The following PTH1R variants were observed in gnomAD, a reference collection of about 807,000 sequenced individuals.
PTH1R encodes the protein parathyroid hormone 1 receptor.
A neutral mutation model predicts 70.7 loss-of-function variants in PTH1R; 32 were observed. The observed-to-expected ratio is 0.45, with a 90% confidence interval of 0.34 to 0.61. The LOEUF is 0.61. PTH1R is among the 20% of genes least tolerant of loss of function. PTH1R has a pLI of 0.01. For missense variants in PTH1R, 626 were observed against 792.5 expected, an observed-to-expected ratio of 0.79 and a Z score of 2.52; for synonymous variants, 329 against 324.8, an observed-to-expected ratio of 1.01 and a Z score of -0.14.
rs747701028 is a variant in PTH1R at position 46,899,408 on chromosome 3, T to A, written c.940T>A (p.Phe314Ile). The change falls in exon 10 of 16, where the codon TTC becomes ATC. Residue 314 changes from phenylalanine (F) to isoleucine (I), a missense_variant. By Grantham distance (21) the Phe-to-Ile change is conservative. Around this residue, in one of 3 missense-constraint regions of PTH1R, gnomAD observed 495 missense variants for 638.7 expected, o/e 0.77. Coordinates refer to ENST00000449590, the MANE Select transcript of PTH1R (RefSeq NM_000316.3). ...LYLHSLIFMA[F>I]FSEKKYLWGF... ...CCTGCACAGCCTCATCTTCATGGCC[T>A]TCTTCTCAGAGAAGAAGTACCTGTG... 6.2e-7 allele frequency: 1 copy of A among 1,613,780 alleles called. No individual in the cohort carries two copies. Among genetic ancestry groups the A allele is most frequent in the South Asian group, 1.1e-5 (1 of 91,050 alleles).
At chr3:46,898,886 G>C (rs1239689376) in intron 9 of PTH1R, 29 bp downstream of exon 9, 35 of 1,467,960 alleles carry the variant, frequency 2.4e-5, no homozygotes, top group Non-Finnish European at 2.9e-5. Flanking sequence ...GCCCGCTCCC[G>C]GTGCCGCCAC....
intron 7 of PTH1R, 29 bp downstream of exon 7, chr3:46,898,221 C>A: frequency 1.2e-6 from 2 of 1,609,750 alleles, no homozygotes; most frequent in Non-Finnish European, 1.7e-6. Flanking sequence ...CCCAACCTGA[C>A]CAGGATAAAT....
intron 10 of PTH1R, 49 bp from the exon 11 acceptor site, chr3:46,900,976 T>C (rs745707855): frequency 1.9e-6 from 3 of 1,550,396 alleles, no homozygotes; most frequent in South Asian, 2.4e-5. Flanking sequence ...GGAATGACCT[T>C]GTGGACAGCA....
rs1246233314 is a variant in PTH1R, at chr3:46,883,494, A to G, written c.-48-18A>G. The G allele has an allele frequency of 2.2e-6, 3 of 1,377,846 alleles. No individual in the cohort carries two copies. Among genetic ancestry groups the G allele is most frequent in the African/African-American group, 1.5e-5 (1 of 65,880 alleles). 85.4% of individuals were successfully genotyped at this position (1,377,846 alleles called of 1,614,324 possible). A position where few individuals can be genotyped will look rare whatever the true frequency, so the allele number is the denominator to read the frequency against. ...GGCGGCCAGCCTGACGCAGCTCTGC[A>G]CCCCCTACCACCACCAGGGCCGGCG... is the stretch of plus-strand genomic sequence containing the variant. On this transcript the variant is annotated intron_variant, in intron 2 of 15. Transcript: ENST00000449590. The surrounding 1 kb of genome is among the most constrained non-coding windows in gnomAD (Gnocchi z 6.4).
In PTH1R at chr3:46,894,538, C is replaced by T. The variant is rs149992942; in HGVS notation, c.178+529C>T. Reference sequence around the variant, plus strand: ...CGAGATCTGGGGGGTCAGATGGGCCCCCTCATTCTGGGTCCTGAACCCAGC... The same window carrying T: ...CGAGATCTGGGGGGTCAGATGGGCCTCCTCATTCTGGGTCCTGAACCCAGC... On this transcript the variant is annotated intron_variant, in intron 4 of 15. Coordinates refer to ENST00000449590, the MANE Select transcript of PTH1R (RefSeq NM_000316.3). 4.4e-4 allele frequency among the ~76,000 whole-genome samples: 67 copies of T among 152,218 alleles called. No individual in the cohort carries two copies. In the East Asian group the frequency reaches 0.012, roughly 26 times the overall value.
In PTH1R at chr3:46,877,850, G is replaced by A. The variant is rs1327920422; in HGVS notation, c.-106+7G>A. The A allele has an allele frequency of 6.6e-6, 1 of 152,300 alleles. No homozygotes were observed. Among genetic ancestry groups the A allele is most frequent in the Non-Finnish European group, 1.5e-5 (1 of 68,074 alleles). 9.4% of individuals were successfully genotyped at this position (152,300 alleles called of 1,614,324 possible). A position where few individuals can be genotyped will look rare whatever the true frequency, so the allele number is the denominator to read the frequency against. ...GAAGGCCCATGGGCTGCAGGTGAGT[G>A]GGGGCCAGGGGAGCCTAGGGGCCTG... On this transcript the variant is annotated splice_region_variant and intron_variant, in intron 1 of 15. Transcript: ENST00000449590.
At chr3:46,894,057 G>A (rs1559532741) in intron 4 of PTH1R, 48 bp downstream of exon 4, 1 of 1,586,090 alleles carries the variant, frequency 6.3e-7, no homozygotes, top group East Asian at 2.2e-5. Flanking sequence ...GGTGAGGGAG[G>A]GGCCAGTCAA....
intron 4 of PTH1R, 150 bp downstream of exon 4, chr3:46,894,159 G>C: frequency 1.3e-6 from 1 of 748,200 alleles, no homozygotes. Flanking sequence ...ACCAAAGTGG[G>C]GTGCGTGGTG....
In PTH1R at chr3:46,903,771, A is replaced by AAT; in HGVS notation, c.*116_*117insTA. On this transcript the variant is annotated 3_prime_UTR_variant, in exon 16 of 16. Coordinates refer to ENST00000449590, the MANE Select transcript of PTH1R (RefSeq NM_000316.3). The surrounding 1 kb of genome is among the most constrained non-coding windows in gnomAD (Gnocchi z 4.4). ...GGCCAAGAGGAAAAACAGGGAAAAA[A>AAT]AGAAAAAAAAAAGAAAAAGGAAAAG... 1 of 1,511,034 alleles carries AAT rather than the reference A, an allele frequency of 6.6e-7. No individual in the cohort carries two copies. The highest frequency in any genetic ancestry group is 1.2e-5 in the South Asian group (1 of 82,392). The allele number at this position is 1,511,034 out of a possible 1,614,324, so 93.6% of individuals were successfully genotyped here. A position where few individuals can be genotyped will look rare whatever the true frequency, so the allele number is the denominator to read the frequency against.
Position 46,901,690 on chromosome 3 carries a change from C to A in PTH1R, c.1117-76C>A. ...CAGAGATGCAGTGACAGAGCAGAGCCTATGGCCGTGGCTGCCAGGCCTTGC... is the reference window on the plus strand; with the variant it reads ...CAGAGATGCAGTGACAGAGCAGAGCATATGGCCGTGGCTGCCAGGCCTTGC... On this transcript the variant is annotated intron_variant, in intron 12 of 15. Transcript: ENST00000449590. The surrounding 1 kb of genome is among the most constrained non-coding windows in gnomAD (Gnocchi z 7.3). 1 of 1,491,046 alleles carries A rather than the reference C, an allele frequency of 6.7e-7. No individual in the cohort carries two copies. Among genetic ancestry groups the A allele is most frequent in the South Asian group, 1.1e-5 (1 of 88,366 alleles). The allele number at this position is 1,491,046 out of a possible 1,614,324, so 92.4% of individuals were successfully genotyped here.
chr3:46,892,622 A>C lies in PTH1R; in HGVS notation c.76-1285A>C. 1 of 479,014 alleles carries C rather than the reference A, an allele frequency of 2.1e-6. No individual in the cohort carries two copies. Among genetic ancestry groups the C allele is most frequent in the Non-Finnish European group, 2.7e-6 (1 of 365,268 alleles). 29.7% of individuals were successfully genotyped at this position (479,014 alleles called of 1,614,324 possible). On this transcript the variant is annotated intron_variant, in intron 3 of 15. Coordinates refer to ENST00000449590, the MANE Select transcript of PTH1R (RefSeq NM_000316.3). This position sits in a 1 kb window ranked among gnomAD's most constrained non-coding sequence, Gnocchi z 5.2. ...GGTCAATTAACTTCTCCCTGCAGCCAGGCTCTCTGACCCGGCCTGCCCGCC... is the reference window on the plus strand; with the variant it reads ...GGTCAATTAACTTCTCCCTGCAGCCCGGCTCTCTGACCCGGCCTGCCCGCC...
intron 3 of PTH1R, among the ~76,000 whole-genome samples, chr3:46,890,208 T>C (rs1364177140): frequency 1.3e-5 from 2 of 152,062 alleles, no homozygotes; most frequent in Non-Finnish European, 2.9e-5. Flanking sequence ...ATCTAGCAGG[T>C]CCTCCTGTAG....
Position 46,882,906 on chromosome 3 carries a change from G to A in PTH1R, c.-48-606G>A, listed in dbSNP as rs2030709780. Among the ~76,000 whole-genome samples, 1 of 151,932 alleles carries A rather than the reference G, an allele frequency of 6.6e-6. No homozygotes were observed. Among genetic ancestry groups the A allele is most frequent in the Non-Finnish European group, 1.5e-5 (1 of 67,964 alleles). On this transcript the variant is annotated intron_variant, in intron 2 of 15. Transcript: ENST00000449590. The surrounding 1 kb of genome is among the most constrained non-coding windows in gnomAD (Gnocchi z 4.3). ...CAGGAGGCCGAACGGCCGGGGGCTG[G>A]CGGCCGGAACACCTAAGGGCTCAGT...
Position 46,902,301 on chromosome 3 carries a change from C to T in PTH1R, c.1212-225C>T, listed in dbSNP as rs2032173301. On this transcript the variant is annotated intron_variant, in intron 13 of 15. Coordinates refer to ENST00000449590, the MANE Select transcript of PTH1R (RefSeq NM_000316.3). The surrounding 1 kb of genome is among the most constrained non-coding windows in gnomAD (Gnocchi z 5.4). ...TGCGAAGGGCCCAGGGACAGGGGGA[C>T]TGTCATTTGAAGTCCGCTCCGGGAC... Among the ~76,000 whole-genome samples the T allele has an allele frequency of 6.6e-6, 1 of 152,270 alleles. No individual in the cohort carries two copies. The highest frequency in any genetic ancestry group is 1.9e-4 in the East Asian group (1 of 5,178).
At position 46,892,524 on chromosome 3, in the gene PTH1R, G is replaced by C. The variant is rs2031483830; in HGVS notation, c.76-1383G>C. On this transcript the variant is annotated intron_variant, in intron 3 of 15. Coordinates refer to ENST00000449590, the MANE Select transcript of PTH1R (RefSeq NM_000316.3). The surrounding 1 kb of genome is among the most constrained non-coding windows in gnomAD (Gnocchi z 5.2). ...GCGGCTCCGCTAAGTGGAACCAGCA[G>C]AACCCAAGGCCGGCCGAGCCAATTG... Among the ~76,000 whole-genome samples, 1 of 152,238 alleles carries C rather than the reference G, an allele frequency of 6.6e-6. No homozygotes were observed. The highest frequency in any genetic ancestry group is 6.5e-5 in the Admixed American group (1 of 15,288).
chr3:46,889,285 C>G (rs2031244300), intron 3 of PTH1R, among the ~76,000 whole-genome samples: 1 of 152,242 alleles, frequency 6.6e-6, no homozygotes, highest in African/African-American at 2.4e-5. Context: ...ACTGGCATCA[C>G]CGGCACCTTT....
intron 3 of PTH1R, among the ~76,000 whole-genome samples, chr3:46,888,857 G>A (rs746890169): frequency 6.6e-6 from 1 of 152,230 alleles, no homozygotes; most frequent in Non-Finnish European, 1.5e-5. Flanking sequence ...CCCGAAGGCG[G>A]CCACGCTGGC....
In PTH1R at chr3:46,883,423, T is replaced by G; in HGVS notation, c.-48-89T>G. The stretch of plus-strand genomic sequence containing the variant: ...GGGCCCCGCGCCGGGCCCCGGGGCC[T>G]CGGGCCGCCGGGACGCCGGGGTCCC... On this transcript the variant is annotated intron_variant, in intron 2 of 15. Coordinates refer to ENST00000449590, the MANE Select transcript of PTH1R (RefSeq NM_000316.3). The surrounding 1 kb of genome is among the most constrained non-coding windows in gnomAD (Gnocchi z 6.4). 1.8e-6 allele frequency: 1 copy of G among 563,714 alleles called. No individual in the cohort carries two copies. The highest frequency in any genetic ancestry group is 6.5e-5 in the East Asian group (1 of 15,418). 34.9% of individuals were successfully genotyped at this position (563,714 alleles called of 1,614,324 possible). A position where few individuals can be genotyped will look rare whatever the true frequency, so the allele number is the denominator to read the frequency against.
intron 1 of PTH1R, among the ~76,000 whole-genome samples, chr3:46,880,849 G>A (rs2030512722): frequency 6.6e-6 from 1 of 152,218 alleles, no homozygotes; most frequent in African/African-American, 2.4e-5. Flanking sequence ...CAGAAGGGTG[G>A]CTGCAGCTGG....
Sources: allele counts gnomAD v4.1 joint callset (sites outside exome capture counted in the v4.1 genomes callset), GRCh38; gene constraint gnomAD v4.1.1; regional missense constraint gnomAD v4.1.1; non-coding constraint Gnocchi (gnomAD v3.1); transcripts MANE v1.5; gene names NCBI Gene and HGNC (gene_info 2026-07-23, HGNC 2026-07-21).